The following NWD2 variants were observed in gnomAD, a reference collection of about 807,000 sequenced individuals.
NWD2 encodes the protein NACHT and WD repeat domain-containing protein 2.
In NWD2, 37 loss-of-function variants were observed where a neutral mutation model predicts 132.7. That is an observed-to-expected ratio of 0.28 (90% confidence interval 0.21 to 0.37). The LOEUF (loss-of-function observed/expected upper bound fraction) is 0.37, where lower values mean the gene tolerates loss of function less well. Ranked by LOEUF, NWD2 falls within the 10% of genes least tolerant of loss-of-function variation. NWD2 has a pLI of 1.00. For missense variants in NWD2, 1,592 were observed against 2,122.4 expected (o/e 0.75, Z 4.91); for synonymous variants, 705 against 803.0 (o/e 0.88, Z 2.06).
At chr4:37,250,373 A>T (rs1431376865) in intron 1 of NWD2, among the ~76,000 whole-genome samples, 1 of 152,224 alleles carries the variant, frequency 6.6e-6, no homozygotes, top group Non-Finnish European at 1.5e-5. Context: ...AGATATTTAT[A>T]GCTAGACTTG....
intron 3 of NWD2, among the ~76,000 whole-genome samples, chr4:37,382,487 A>G (rs1288792186): frequency 6.6e-6 from 1 of 152,014 alleles, no homozygotes; most frequent in African/African-American, 2.4e-5. Flanking sequence ...GCAAATTTCG[A>G]CATTTGGAAT....
chr4:37,433,438 C>T lies in NWD2; in HGVS notation c.562-438C>T, dbSNP rs149709113. Among the ~76,000 whole-genome samples the T allele has an allele frequency of 4.8e-3, 735 of 152,230 alleles. 5 individuals are homozygous for T. The highest frequency in any genetic ancestry group is 7.9e-3 in the Admixed American group (120 of 15,274). ...GATTATCAAGACTATATAAATGTTA[C>T]TTTATTGGTAGGCAGTCCTCCCATT... On this transcript the variant is annotated intron_variant, in intron 4 of 6. Transcript: ENST00000309447.
chr4:37,333,871 AT>A (rs1189881300), intron 2 of NWD2, among the ~76,000 whole-genome samples: 1 of 152,106 alleles, frequency 6.6e-6, no homozygotes, highest in Non-Finnish European at 1.5e-5. Flanking sequence ...TAACAAATAA[AT>A]TGGTATAATT....
In NWD2 at chr4:37,439,210, A is replaced by C. The variant is rs950267368; in HGVS notation, c.1116A>C (p.Glu372Asp). 2 of 1,550,544 alleles carry C rather than the reference A, an allele frequency of 1.3e-6. No individual in the cohort carries two copies. The highest frequency in any genetic ancestry group is 2.7e-5 in the African/African-American group (2 of 72,990). ...FDTETDTLYDEILQHSSLCKT... is the reference protein window; with the variant it reads ...FDTETDTLYDDILQHSSLCKT... ...CTGAAACTGATACACTCTATGATGAAATCCTTCAACATTCATCATTATGTA... is the reference window on the plus strand; with the variant it reads ...CTGAAACTGATACACTCTATGATGACATCCTTCAACATTCATCATTATGTA... Residue 372 changes from glutamate to aspartate, a missense_variant, in exon 6 of 7, where the codon GAA becomes GAC. Physicochemically the swap from Glu to Asp is conservative, Grantham distance 45. Transcript: ENST00000309447. The surrounding 1 kb of genome is among the most constrained non-coding windows in gnomAD (Gnocchi z 4.5).
At chr4:37,301,186 A>G (rs901971899) in intron 1 of NWD2, among the ~76,000 whole-genome samples, 27 of 152,240 alleles carry the variant, frequency 1.8e-4, no homozygotes, top group African/African-American at 6.3e-4. Flanking sequence ...AAGTCAGCTG[A>G]AAATATAATT....
At chr4:37,432,666 C>T (rs1415624291) in intron 4 of NWD2, among the ~76,000 whole-genome samples, 12 of 152,084 alleles carry the variant, frequency 7.9e-5, no homozygotes, top group Admixed American at 7.9e-4. Flanking sequence ...TATTTATAGT[C>T]TCTTTTTAAA....
intron 3 of NWD2, among the ~76,000 whole-genome samples, chr4:37,377,951 C>T (rs1184097685): frequency 1.3e-5 from 2 of 151,818 alleles, no homozygotes; most frequent in Non-Finnish European, 2.9e-5. Flanking sequence ...TTTAATTAGC[C>T]TCATTTAATC....
At chr4:37,410,573 C>A (rs138016059) in intron 3 of NWD2, among the ~76,000 whole-genome samples, 1 of 151,860 alleles carries the variant, frequency 6.6e-6, no homozygotes, top group Non-Finnish European at 1.5e-5. Flanking sequence ...AACCCACTGT[C>A]AGTATTAGAT....
intron 3 of NWD2, among the ~76,000 whole-genome samples, chr4:37,368,740 T>C (rs994463586): frequency 7.2e-5 from 11 of 151,888 alleles, no homozygotes; most frequent in African/African-American, 1.9e-4. Context: ...TGGATGAAGG[T>C]AGAATATAGG....
intron 3 of NWD2, among the ~76,000 whole-genome samples, chr4:37,422,649 TG>T (rs1369195148): frequency 6.6e-6 from 1 of 152,240 alleles, no homozygotes; most frequent in Non-Finnish European, 1.5e-5. Context: ...CTTTATGTAT[TG>T]CCAAGTGCTT....
At chr4:37,400,512 A>T (rs577224826) in intron 3 of NWD2, among the ~76,000 whole-genome samples, 1 of 152,330 alleles carries the variant, frequency 6.6e-6, no homozygotes, top group East Asian at 1.9e-4. Context: ...CAATAGAAAA[A>T]TGTACCTGAT....
At position 37,445,573 on chromosome 4, in the gene NWD2, T is replaced by C; in HGVS notation, c.3585T>C (p.Ile1195=). The C allele has an allele frequency of 1.3e-6, 2 of 1,552,254 alleles. No homozygotes were observed. Among genetic ancestry groups the C allele is most frequent in the Non-Finnish European group, 1.7e-6 (2 of 1,147,130 alleles). ...GAGAAGACAGTGAGGTGGTCAGCAT[T>C]GAGCTTTCAGAAGACCAAAGTGCAG... ...CRREDSEVVS[I]ELSEDQSAVL... Residue 1195 remains isoleucine, a synonymous_variant, in exon 7 of 7, where the codon ATT becomes ATC. Coordinates refer to ENST00000309447, the MANE Select transcript of NWD2 (RefSeq NM_001144990.2). This position sits in a 1 kb window ranked among gnomAD's most constrained non-coding sequence, Gnocchi z 4.7.
intron 3 of NWD2, among the ~76,000 whole-genome samples, chr4:37,376,524 A>G (rs1320365792): frequency 6.6e-6 from 1 of 152,182 alleles, no homozygotes; most frequent in Non-Finnish European, 1.5e-5. Context: ...TCCAGCTTGT[A>G]GGAGGTGGAA....
intron 3 of NWD2, among the ~76,000 whole-genome samples, chr4:37,357,088 CG>C (rs1719885276): frequency 6.6e-6 from 1 of 152,070 alleles, no homozygotes; most frequent in Admixed American, 6.5e-5. Context: ...TGTGTTAGCA[CG>C]GTGGCAGTAA....
rs892682488 is a variant in NWD2 at position 37,353,849 on chromosome 4, A to G, written c.241-2517A>G. 6.6e-5 allele frequency among the ~76,000 whole-genome samples: 10 copies of G among 152,150 alleles called. No individual in the cohort carries two copies. In the East Asian group the frequency reaches 9.7e-4, roughly 15 times the overall value. ...CATCTTCCGAAGCCTACTTCTGTCA[A>G]TTCATCAAACTCATTCTCCGCCCAG... is the stretch of plus-strand genomic sequence containing the variant. On this transcript the variant is annotated intron_variant, in intron 2 of 6. Coordinates refer to ENST00000309447, the MANE Select transcript of NWD2 (RefSeq NM_001144990.2).
chr4:37,405,527 C>G (rs1192742618), intron 3 of NWD2, among the ~76,000 whole-genome samples: 1 of 151,930 alleles, frequency 6.6e-6, no homozygotes, highest in Non-Finnish European at 1.5e-5. Context: ...ATAAAGTTAA[C>G]AATTATTTGG....
intron 1 of NWD2, among the ~76,000 whole-genome samples, chr4:37,272,494 A>G (rs903115852): frequency 6.6e-6 from 1 of 151,780 alleles, no homozygotes; most frequent in African/African-American, 2.4e-5. Flanking sequence ...ATCTTGCAAC[A>G]GTTCTGTTAT....
Position 37,439,414 on chromosome 4 carries a change from T to C in NWD2, c.1296+24T>C. On this transcript the variant is annotated intron_variant, in intron 6 of 6. Coordinates refer to ENST00000309447, the MANE Select transcript of NWD2 (RefSeq NM_001144990.2). This position sits in a 1 kb window ranked among gnomAD's most constrained non-coding sequence, Gnocchi z 4.5. ...AGGTAAAAGCCTATTCTTTCCCGTG[T>C]ATATTTGTAAAAACTTGTACTTTTG... 1.5e-6 allele frequency: 2 copies of C among 1,373,358 alleles called. No homozygotes were observed. The highest frequency in any genetic ancestry group is 1.9e-6 in the Non-Finnish European group (2 of 1,040,408). 85.1% of individuals were successfully genotyped at this position (1,373,358 alleles called of 1,614,324 possible).
chr4:37,275,326 A>G (rs1460169361), intron 1 of NWD2, among the ~76,000 whole-genome samples: 1 of 152,166 alleles, frequency 6.6e-6, no homozygotes. Context: ...CCCATTCACA[A>G]TTGCTTCAAA....
Sources: gnomAD v4.1 joint callset for allele counts (sites outside exome capture counted in the v4.1 genomes callset) on GRCh38, gnomAD v4.1.1 for gene constraint, Gnocchi (gnomAD v3.1) non-coding constraint, MANE v1.5 for transcripts, NCBI Gene and HGNC (gene_info 2026-07-23, HGNC 2026-07-21) for gene names.